PLA2G4E: variants seen among roughly 807,000 people sequenced by gnomAD.
The protein encoded by PLA2G4E is cytosolic phospholipase A2 epsilon.
In PLA2G4E, 84 loss-of-function variants were observed where a neutral mutation model predicts 109.1. The ratio of observed to expected loss-of-function variants is 0.77; its 90% confidence interval spans 0.65 to 0.92. The LOEUF (loss-of-function observed/expected upper bound fraction) is 0.92. Among genes scored for constraint, PLA2G4E ranks in the 40% least tolerant of loss-of-function variants. The pLI, the probability that PLA2G4E is intolerant of heterozygous loss-of-function variation, is 0.00. For synonymous variants in PLA2G4E, 469 were observed against 436.1 expected (o/e 1.08, Z -0.94); for missense variants, 1,057 against 1,076.6 (o/e 0.98, Z 0.25).
Position 42,040,667 on chromosome 15 carries a change from T to C in PLA2G4E, c.183+9854A>G, listed in dbSNP as rs561453143. On this transcript the variant is annotated intron_variant, in intron 1 of 19. Coordinates refer to ENST00000399518, the Ensembl canonical transcript of PLA2G4E. ...TAAACTAAAATCTCTTTCACATAAA[T>C]ACTGAAATGCAAACAACATAAAAAC... Among the ~76,000 whole-genome samples, 15 of 152,352 alleles carry C rather than the reference T, an allele frequency of 9.8e-5. No individual in the cohort carries two copies. The South Asian group carries it at 2.7e-3, about 27-fold the overall frequency.
At chr15:42,029,549 C>T (rs1388108070) in intron 1 of PLA2G4E, among the ~76,000 whole-genome samples, 4 of 152,234 alleles carry the variant, frequency 2.6e-5, no homozygotes, top group Non-Finnish European at 5.9e-5. Context: ...CTTCTGCACA[C>T]TGAGTTTACT....
chr15:42,024,126 T>TGGGATGGGA (rs1448294416), intron 1 of PLA2G4E, among the ~76,000 whole-genome samples: 1 of 118,910 alleles, frequency 8.4e-6, no homozygotes, highest in Non-Finnish European at 1.7e-5. Context: ...GGGCTCTAAG[T>TGGGATGGGA]GGGATGGGAG....
exon 6 of PLA2G4E, chr15:42,002,659 G>T: frequency 6.3e-7 from 1 of 1,585,106 alleles, no homozygotes; most frequent in Non-Finnish European, 8.6e-7. Context: ...ATTACCACCA[G>T]CACGCCATTG....
At chr15:42,048,653 G>A (rs1889457728) in intron 1 of PLA2G4E, among the ~76,000 whole-genome samples, 1 of 152,148 alleles carries the variant, frequency 6.6e-6, no homozygotes, top group Admixed American at 6.5e-5. Context: ...ATGACAGCGA[G>A]CCGCATTGCT....
At chr15:41,987,935 C>A in intron 16 of PLA2G4E, 114 bp downstream of exon 16, 1 of 564,706 alleles carries the variant, frequency 1.8e-6, no homozygotes. Context: ...CCGGGGGCCG[C>A]CCCCCATCAC....
At chr15:42,048,440 A>G (rs1472973578) in intron 1 of PLA2G4E, among the ~76,000 whole-genome samples, 1 of 152,194 alleles carries the variant, frequency 6.6e-6, no homozygotes, top group Admixed American at 6.5e-5. Flanking sequence ...ATTACTTTAC[A>G]CATATCAAAA....
At chr15:42,000,057 ACCT>A (rs1469151757) in intron 8 of PLA2G4E, 44 bp downstream of exon 8, 4 of 1,566,562 alleles carry the variant, frequency 2.6e-6, no homozygotes, top group Non-Finnish European at 3.5e-6. Flanking sequence ...GGCACCCCCC[ACCT>A]GTCCCAGTCC....
chr15:42,041,284 G>A (rs964571894), intron 1 of PLA2G4E, among the ~76,000 whole-genome samples: 5 of 151,684 alleles, frequency 3.3e-5, no homozygotes, highest in Admixed American at 1.3e-4. Context: ...TTGGTTTAAT[G>A]AGGGATAGGG....
chr15:42,003,379 C>T (rs2068440496), intron 5 of PLA2G4E, among the ~76,000 whole-genome samples: 3 of 152,226 alleles, frequency 2.0e-5, no homozygotes, highest in African/African-American at 7.2e-5. Flanking sequence ...CTGCCTCAGC[C>T]TCCTGAGTAG....
At chr15:42,036,794 G>C (rs561892239) in intron 1 of PLA2G4E, among the ~76,000 whole-genome samples, 1 of 152,158 alleles carries the variant, frequency 6.6e-6, no homozygotes, top group African/African-American at 2.4e-5. Flanking sequence ...GGGAGCCGGG[G>C]AGCAGGCAAC....
intron 1 of PLA2G4E, among the ~76,000 whole-genome samples, chr15:42,023,070 G>T (rs2068661872): frequency 6.6e-6 from 1 of 152,064 alleles, no homozygotes; most frequent in Admixed American, 6.6e-5. Flanking sequence ...CAGAAAGCAG[G>T]GCACGCTTAT....
At chr15:42,009,370 G>A (rs2068509122) in intron 2 of PLA2G4E, among the ~76,000 whole-genome samples, 1 of 152,130 alleles carries the variant, frequency 6.6e-6, no homozygotes. Context: ...CCACTGCCCT[G>A]GTGTAGACCA....
rs746759570 is a variant in PLA2G4E at position 42,006,157 on chromosome 15, C to G, written c.394-36G>C. On this transcript the variant is annotated intron_variant, in intron 3 of 19. Transcript: ENST00000399518. ...AGGAAGGATGCCAGTCTGGTTACCACGGTTGCATTGACCCCTTCCCAGAAC... is the reference window on the plus strand; with the variant it reads ...AGGAAGGATGCCAGTCTGGTTACCAGGGTTGCATTGACCCCTTCCCAGAAC... 5.0e-6 allele frequency: 8 copies of G among 1,610,760 alleles called. No homozygotes were observed. The African/African-American group carries it at 5.3e-5, about 11-fold the overall frequency.
chr15:42,045,026 C>T (rs185581068), intron 1 of PLA2G4E, among the ~76,000 whole-genome samples: 84 of 151,868 alleles, frequency 5.5e-4, no homozygotes, highest in African/African-American at 2.0e-3. Context: ...TTCAGTGACC[C>T]GGCAGGATAG....
At chr15:41,989,380 GC>G (rs772448199) in intron 15 of PLA2G4E, 34 bp downstream of exon 15, 1 of 1,612,784 alleles carries the variant, frequency 6.2e-7, no homozygotes, top group South Asian at 1.1e-5. Context: ...CTGGGCAGCA[GC>G]CCCCTGTCAT....
intron 12 of PLA2G4E, 116 bp from the exon 13 acceptor site, chr15:41,993,075 G>GGTGGGCAGGCCATTGAGAACCCT: frequency 1.2e-6 from 1 of 863,428 alleles, no homozygotes; most frequent in Non-Finnish European, 1.8e-6. Flanking sequence ...GCCAGGAGGG[G>GGTGGGCAGGCCATTGAGAACCCT]AACCTGGAGA....
rs113059434 is a variant in PLA2G4E at position 42,045,911 on chromosome 15, A to G, written c.183+4610T>C. Among the ~76,000 whole-genome samples the G allele has an allele frequency of 7.7e-3, 1,178 of 152,080 alleles. 15 individuals carry two copies. Among genetic ancestry groups the G allele is most frequent in the African/African-American group, 0.027 (1,106 of 41,432 alleles). ...CTTAGATGTGAATCTCAAGTTTAAA[A>G]TGCCAAAGACAGAGGCACCCAGACC... On this transcript the variant is annotated intron_variant, in intron 1 of 19. Coordinates refer to ENST00000399518, the Ensembl canonical transcript of PLA2G4E.
rs770997217 is a variant in PLA2G4E at position 42,010,135 on chromosome 15, C to T, written c.257-2270G>A. On this transcript the variant is annotated intron_variant, in intron 2 of 19. Transcript: ENST00000399518. ...CCTTGGCTTTTCCAGAACACTGGCCCCCCCACCCCGGGCCTGGACCACACC... is the reference window on the plus strand; with the variant it reads ...CCTTGGCTTTTCCAGAACACTGGCCTCCCCACCCCGGGCCTGGACCACACC... The T allele has an allele frequency of 2.1e-5, 10 of 467,744 alleles. 1 individual carries two copies. In the East Asian group the frequency reaches 5.8e-4, roughly 27 times the overall value. 29.0% of individuals were successfully genotyped at this position (467,744 alleles called of 1,614,324 possible).
In PLA2G4E at chr15:42,050,677, A is replaced by G. The variant is rs950484736; in HGVS notation, c.27T>C (p.Cys9=). 3.9e-6 allele frequency: 6 copies of G among 1,550,460 alleles called. No homozygotes were observed. The East Asian group carries it at 1.5e-4, about 38-fold the overall frequency. The change falls in exon 1 of 20, where the codon TGT becomes TGC. Residue 9 remains cysteine, a synonymous_variant. Transcript: ENST00000399518. Reference sequence around the variant, plus strand: ...CAAACACATTAGTTCCCAGGCCAGGACAGCCTTCCGAGGCCTGGAGACTCA... The same window carrying G: ...CAAACACATTAGTTCCCAGGCCAGGGCAGCCTTCCGAGGCCTGGAGACTCA...
Sources: gnomAD v4.1 joint callset for allele counts (sites outside exome capture counted in the v4.1 genomes callset) on GRCh38, gnomAD v4.1.1 for gene constraint, MANE v1.5 for transcripts, NCBI Gene and HGNC (gene_info 2026-07-23, HGNC 2026-07-21) for gene names.